The following DTNBP1 variants were observed in gnomAD, a reference collection of about 807,000 sequenced individuals.
DTNBP1 encodes the protein dystrobrevin binding protein 1.
In DTNBP1, 35 loss-of-function variants were observed where a neutral mutation model predicts 42.8. The ratio of observed to expected loss-of-function variants is 0.82; its 90% CI spans 0.63 to 1.09. The LOEUF (loss-of-function observed/expected upper bound fraction) is 1.09, where lower values mean the gene tolerates loss of function less well. DTNBP1 is among the 50% of genes least tolerant of loss of function. DTNBP1 has a pLI of 0.00. For synonymous variants in DTNBP1, 171 were observed against 162.2 expected (o/e 1.05, Z -0.41); for missense variants, 457 against 424.2 (o/e 1.08, Z -0.68).
chr6:15,601,827 A>G (rs1374634649), intron 6 of DTNBP1, among the ~76,000 whole-genome samples: 2 of 151,622 alleles, frequency 1.3e-5, no homozygotes, highest in Non-Finnish European at 2.9e-5. Context: ...CCTGGACAAC[A>G]AGAGCAAAAT....
rs528428163 is a variant in DTNBP1, at chr6:15,528,451, G to A, written c.668-3782C>T. Among the ~76,000 whole-genome samples the A allele has an allele frequency of 3.9e-5, 6 of 152,248 alleles. No individual in the cohort carries two copies. In the East Asian group the frequency reaches 1.2e-3, roughly 29 times the overall value. On this transcript the variant is annotated intron_variant, in intron 8 of 9. Coordinates refer to ENST00000344537, the MANE Select transcript of DTNBP1 (RefSeq NM_032122.5). The stretch of plus-strand genomic sequence containing the variant: ...CAAATGTCCCCTTGGGGGCAAAAGT[G>A]TCCCCAGCTGAGAACCAACACTTGA...
intron 7 of DTNBP1, among the ~76,000 whole-genome samples, chr6:15,562,648 G>C (rs1185821184): frequency 3.3e-5 from 5 of 152,096 alleles, no homozygotes; most frequent in African/African-American, 4.8e-5. Flanking sequence ...TCAATGAGCA[G>C]AACAAAAAAG....
chr6:15,661,787 G>A (rs1166885359), intron 1 of DTNBP1, among the ~76,000 whole-genome samples: 1 of 152,294 alleles, frequency 6.6e-6, no homozygotes, highest in South Asian at 2.1e-4. Context: ...TTAAAGGAAT[G>A]AAAAAATTAA....
chr6:15,606,233 T>C (rs999789952), intron 6 of DTNBP1, among the ~76,000 whole-genome samples: 1 of 152,264 alleles, frequency 6.6e-6, no homozygotes, highest in East Asian at 1.9e-4. Context: ...TTATTTATTT[T>C]ATAATGGGTC....
intron 7 of DTNBP1, among the ~76,000 whole-genome samples, chr6:15,539,789 C>T (rs148520391): frequency 5.9e-5 from 9 of 152,302 alleles, no homozygotes; most frequent in African/African-American, 9.6e-5. Flanking sequence ...CCCTGTCCCT[C>T]GCTCCTGCTT....
chr6:15,659,930 G>C (rs1201500685), intron 1 of DTNBP1, among the ~76,000 whole-genome samples: 1 of 152,150 alleles, frequency 6.6e-6, no homozygotes, highest in East Asian at 1.9e-4. Flanking sequence ...CTCCCAAGTA[G>C]CTGGGACAAC....
chr6:15,562,461 T>A (rs1281036569), intron 7 of DTNBP1, among the ~76,000 whole-genome samples: 3 of 152,208 alleles, frequency 2.0e-5, no homozygotes, highest in African/African-American at 4.8e-5. Context: ...ACATAATAAA[T>A]GTTTTAGTTT....
intron 7 of DTNBP1, among the ~76,000 whole-genome samples, chr6:15,565,023 T>C (rs1308388140): frequency 6.6e-6 from 1 of 152,180 alleles, no homozygotes; most frequent in Admixed American, 6.5e-5. Flanking sequence ...GGGGGATCAC[T>C]TGAGCTCAGG....
chr6:15,533,472 T>A, intron 7 of DTNBP1, 77 bp from the exon 8 acceptor site: 1 of 1,610,108 alleles, frequency 6.2e-7, no homozygotes, highest in South Asian at 1.1e-5. Context: ...GCTGCTCGCA[T>A]CCACCCTCCA....
chr6:15,574,788 C>A (rs753207324), intron 7 of DTNBP1, among the ~76,000 whole-genome samples: 1 of 152,144 alleles, frequency 6.6e-6, no homozygotes, highest in African/African-American at 2.4e-5. Flanking sequence ...TACTTATTAG[C>A]TGGTGGTAGG....
intron 7 of DTNBP1, among the ~76,000 whole-genome samples, chr6:15,589,232 A>T (rs900844631): frequency 6.6e-6 from 1 of 152,250 alleles, no homozygotes; most frequent in African/African-American, 2.4e-5. Context: ...TCACAGCCTC[A>T]GAAGTCTCCA....
In DTNBP1 at chr6:15,612,295, C is replaced by T. The variant is rs978494852; in HGVS notation, c.488+2972G>A. Among the ~76,000 whole-genome samples, 73 of 152,144 alleles carry T rather than the reference C, an allele frequency of 4.8e-4. 1 individual carries two copies. Among genetic ancestry groups the T allele is most frequent in the African/African-American group, 1.7e-3 (71 of 41,510 alleles). ...GTACATTGTGCTTTAAGACATAATG[C>T]TAGTGCACATTTAATAGACTACATA... On this transcript the variant is annotated intron_variant, in intron 6 of 9. Coordinates refer to ENST00000344537, the MANE Select transcript of DTNBP1 (RefSeq NM_032122.5).
chr6:15,610,154 T>G (rs188687435), intron 6 of DTNBP1, among the ~76,000 whole-genome samples: 206 of 152,306 alleles, frequency 1.4e-3, no homozygotes, highest in Non-Finnish European at 9.0e-4. Flanking sequence ...AGGGATAGGG[T>G]GATCACCTGG....
intron 7 of DTNBP1, among the ~76,000 whole-genome samples, chr6:15,584,798 A>G (rs972948995): frequency 6.1e-5 from 9 of 148,720 alleles, no homozygotes; most frequent in African/African-American, 2.0e-4. Context: ...TATGCCAACT[A>G]AAAGAAATAA....
At chr6:15,529,082 C>T (rs956908596) in intron 8 of DTNBP1, among the ~76,000 whole-genome samples, 1 of 152,156 alleles carries the variant, frequency 6.6e-6, no homozygotes, top group Non-Finnish European at 1.5e-5. Flanking sequence ...CCAAGGAGTT[C>T]GAGACCAGCC....
intron 7 of DTNBP1, chr6:15,585,849 T>G: frequency 1.4e-6 from 2 of 1,479,116 alleles, no homozygotes; most frequent in Non-Finnish European, 9.0e-7. Flanking sequence ...ACGTGCATCT[T>G]CTGGGATGTA....
intron 7 of DTNBP1, among the ~76,000 whole-genome samples, chr6:15,544,742 C>T (rs1056875619): frequency 5.1e-4 from 78 of 152,304 alleles, no homozygotes; most frequent in Admixed American, 3.9e-3. Flanking sequence ...ATTCCAAAAT[C>T]GGAAAAAATC....
intron 3 of DTNBP1, among the ~76,000 whole-genome samples, chr6:15,638,173 G>A (rs1321940438): frequency 6.6e-6 from 1 of 151,842 alleles, no homozygotes; most frequent in Non-Finnish European, 1.5e-5. Context: ...TGTCACCCAG[G>A]CTGGAGTGCA....
chr6:15,644,536 A>G (rs1186150755), intron 3 of DTNBP1, among the ~76,000 whole-genome samples: 2 of 152,180 alleles, frequency 1.3e-5, no homozygotes, highest in Non-Finnish European at 2.9e-5. Context: ...TCAATCATAA[A>G]GCAGGTCTCA....
Sources: gnomAD v4.1 joint callset for allele counts (sites outside exome capture counted in the v4.1 genomes callset) on GRCh38, gnomAD v4.1.1 for gene constraint, MANE v1.5 for transcripts, NCBI Gene and HGNC (gene_info 2026-07-23, HGNC 2026-07-21) for gene names.